Variants in CHODL observed in about 807,000 individuals in gnomAD.
CHODL encodes the protein transmembrane protein MT75.
CHODL carries 29 observed loss-of-function variants against 34.5 expected under a neutral mutation model. The observed-to-expected ratio is 0.84, with a 90% confidence interval of 0.63 to 1.15. The LOEUF is 1.15. Ranked by LOEUF, CHODL falls within the 50% of genes most tolerant of loss-of-function variation. CHODL has a pLI of 0.00. For missense variants in CHODL, 332 were observed against 332.5 expected, an observed-to-expected ratio of 1.00 and a Z score of 0.01; for synonymous variants, 125 against 116.1, an observed-to-expected ratio of 1.08 and a Z score of -0.49.
At chr21:18,134,373 T>G (rs1295118488) in intron 2 of CHODL, 1 of 517,208 alleles carries the variant, frequency 1.9e-6, no homozygotes, top group Admixed American at 1.9e-5. Flanking sequence ...AAGGTGGAGG[T>G]GTTTTAAGTC....
intron 1 of CHODL, among the ~76,000 whole-genome samples, chr21:18,005,130 T>TTA (rs2063948005): frequency 6.6e-6 from 1 of 152,090 alleles, no homozygotes. Flanking sequence ...CATAACAGAG[T>TTA]AGTTAAGAGC....
intron 1 of CHODL, among the ~76,000 whole-genome samples, chr21:17,923,937 T>C (rs1369912953): frequency 6.6e-6 from 1 of 152,240 alleles, no homozygotes; most frequent in Non-Finnish European, 1.5e-5. Flanking sequence ...TCAAAGAAGC[T>C]GAGAGTCAGG....
At chr21:18,159,208 A>G (rs2073068340) in intron 2 of CHODL, among the ~76,000 whole-genome samples, 1 of 152,258 alleles carries the variant, frequency 6.6e-6, no homozygotes, top group Admixed American at 6.5e-5. Context: ...TCCCGCCAAC[A>G]AAGAATTATC....
At chr21:18,044,401 C>T (rs1251866880) in intron 2 of CHODL, among the ~76,000 whole-genome samples, 1 of 151,918 alleles carries the variant, frequency 6.6e-6, no homozygotes, top group African/African-American at 2.4e-5. Flanking sequence ...ATAAAAAACA[C>T]CACATCGTTG....
At chr21:17,990,750 A>G (rs184050) in intron 1 of CHODL, among the ~76,000 whole-genome samples, 33,139 of 152,036 alleles carry the variant, frequency 0.22, 5,605 homozygotes, top group African/African-American at 0.47. Context: ...ATATACATAC[A>G]ATGTATAATA....
chr21:18,117,372 A>G (rs572659145), intron 2 of CHODL, among the ~76,000 whole-genome samples: 79 of 152,306 alleles, frequency 5.2e-4, no homozygotes, highest in African/African-American at 1.6e-3. Context: ...ACTGTGGTTT[A>G]AGGATCTGCT....
intron 2 of CHODL, among the ~76,000 whole-genome samples, chr21:18,129,542 T>C (rs1325256365): frequency 3.9e-5 from 6 of 152,010 alleles, no homozygotes; most frequent in Non-Finnish European, 4.4e-5. Context: ...ACAGTGAGAG[T>C]TCTTGAGTTC....
chr21:17,991,691 T>C (rs529854155), intron 1 of CHODL, among the ~76,000 whole-genome samples: 77 of 150,254 alleles, frequency 5.1e-4, no homozygotes, highest in African/African-American at 1.7e-3. Context: ...TGGGGAGGTG[T>C]TGAGTTGTTT....
intron 2 of CHODL, among the ~76,000 whole-genome samples, chr21:18,150,094 G>A (rs2072945549): frequency 6.6e-6 from 1 of 152,156 alleles, no homozygotes; most frequent in Admixed American, 6.5e-5. Context: ...TGAAGCAGGG[G>A]CTTCCAGGTT....
At chr21:18,181,089 A>AT (rs1285564737) in intron 2 of CHODL, among the ~76,000 whole-genome samples, 1 of 152,134 alleles carries the variant, frequency 6.6e-6, no homozygotes, top group Non-Finnish European at 1.5e-5. Context: ...AGTACTTGTT[A>AT]TTATTTCTTT....
intron 2 of CHODL, among the ~76,000 whole-genome samples, chr21:18,084,323 C>A (rs768678708): frequency 6.6e-6 from 1 of 151,846 alleles, no homozygotes; most frequent in Non-Finnish European, 1.5e-5. Context: ...AGGTTTAGTT[C>A]TTGTTTTTTG....
At chr21:18,042,910 AT>A (rs1001830619) in intron 2 of CHODL, among the ~76,000 whole-genome samples, 108 of 148,890 alleles carry the variant, frequency 7.3e-4, no homozygotes, top group African/African-American at 1.9e-3. Context: ...TGTTCTGGCC[AT>A]TTTTTTTTTG....
intron 1 of CHODL, among the ~76,000 whole-genome samples, chr21:17,948,209 T>C (rs1420572369): frequency 6.6e-6 from 1 of 152,062 alleles, no homozygotes; most frequent in Non-Finnish European, 1.5e-5. Context: ...CAGTTTACAT[T>C]TTTAGGTAAT....
At chr21:18,237,631 CAG>C (rs933846433) in intron 2 of CHODL, among the ~76,000 whole-genome samples, 12 of 152,078 alleles carry the variant, frequency 7.9e-5, no homozygotes, top group African/African-American at 1.2e-4. Context: ...AGAGAGTAGA[CAG>C]GGGAAAAATC....
chr21:17,952,567 A>G (rs1165689272), intron 1 of CHODL, among the ~76,000 whole-genome samples: 2 of 152,192 alleles, frequency 1.3e-5, no homozygotes, highest in Non-Finnish European at 2.9e-5. Flanking sequence ...CTGCCCTACA[A>G]AAAAATTCTA....
intron 2 of CHODL, among the ~76,000 whole-genome samples, chr21:18,044,062 T>C (rs2064410755): frequency 1.3e-5 from 2 of 152,016 alleles, no homozygotes; most frequent in Non-Finnish European, 1.5e-5. Context: ...AGCCAAACCA[T>C]ATCAGACCTA....
chr21:18,143,682 T>C (rs776869784), intron 2 of CHODL, among the ~76,000 whole-genome samples: 4 of 152,094 alleles, frequency 2.6e-5, no homozygotes, highest in Non-Finnish European at 5.9e-5. Context: ...ATTTAAAATA[T>C]ATAAATCACT....
At chr21:17,993,773 T>C (rs2063821343) in intron 1 of CHODL, among the ~76,000 whole-genome samples, 1 of 152,248 alleles carries the variant, frequency 6.6e-6, no homozygotes, top group Admixed American at 6.5e-5. Context: ...TCTGTTTTTA[T>C]GTCTTTGAAT....
At chr21:18,128,538 A>T (rs1376008700) in intron 2 of CHODL, among the ~76,000 whole-genome samples, 1 of 152,110 alleles carries the variant, frequency 6.6e-6, no homozygotes, top group Non-Finnish European at 1.5e-5. Context: ...GAAAATCCAA[A>T]GAAAGTACAA....
Sources: gnomAD v4.1 joint callset for allele counts (sites outside exome capture counted in the v4.1 genomes callset) on GRCh38, gnomAD v4.1.1 for gene constraint, MANE v1.5 for transcripts, NCBI Gene and HGNC (gene_info 2026-07-23, HGNC 2026-07-21) for gene names.